Variants in RGS7 observed in about 807,000 individuals in gnomAD.
RGS7 encodes regulator of G-protein signaling 7.
RGS7 carries 27 observed loss-of-function variants against 81.1 expected under a neutral mutation model. That is an observed-to-expected ratio of 0.33 (90% confidence interval 0.25 to 0.46). The LOEUF (loss-of-function observed/expected upper bound fraction) is 0.46, where lower values mean the gene tolerates loss of function less well. RGS7 is among the 20% of genes least tolerant of loss of function. The pLI is 1.00. For synonymous variants in RGS7, 208 were observed against 207.7 expected, an observed-to-expected ratio of 1.00 and a Z score of -0.01; for missense variants, 396 against 607.4, an observed-to-expected ratio of 0.65 and a Z score of 3.66.
chr1:241,051,459 G>A (rs1369841666), intron 3 of RGS7, among the ~76,000 whole-genome samples: 1 of 134,726 alleles, frequency 7.4e-6, no homozygotes, highest in African/African-American at 2.9e-5. Flanking sequence ...GATTGCAGAA[G>A]CCAACCAATA....
intron 2 of RGS7, among the ~76,000 whole-genome samples, chr1:241,180,925 G>T (rs756758412): frequency 4.3e-4 from 66 of 152,224 alleles, no homozygotes; most frequent in Non-Finnish European, 8.7e-4. Context: ...AAACTCCAAT[G>T]CATGTTAGTA....
chr1:241,157,389 TC>T (rs1359732016), intron 2 of RGS7, among the ~76,000 whole-genome samples: 1 of 152,082 alleles, frequency 6.6e-6, no homozygotes, highest in Non-Finnish European at 1.5e-5. Context: ...AGGCAAGGGG[TC>T]CCCCTACATA....
intron 3 of RGS7, among the ~76,000 whole-genome samples, chr1:241,073,421 A>G (rs2493010): frequency 0.026 from 4,028 of 152,304 alleles, 176 homozygotes; most frequent in African/African-American, 0.092. Flanking sequence ...TGCTCAAAAA[A>G]AAATCAGTAT....
intron 17 of RGS7, among the ~76,000 whole-genome samples, 165 bp downstream of exon 17, chr1:240,801,290 G>A (rs1187570490): frequency 6.6e-6 from 1 of 152,044 alleles, no homozygotes; most frequent in African/African-American, 2.4e-5. Context: ...GGAAAGGGAT[G>A]GGACAGAAAG....
rs568424765 is a variant in RGS7, at chr1:240,844,300, C to T, written c.610-17128G>A. Among the ~76,000 whole-genome samples the T allele has an allele frequency of 2.6e-5, 4 of 152,194 alleles. No individual in the cohort carries two copies. In the South Asian group the frequency reaches 8.3e-4, roughly 32 times the overall value. ...CTCCCCTTCCCTCCCCGACACCTGC[C>T]CAGACACCCACAACTATGCAAGATA... is the stretch of plus-strand genomic sequence containing the variant. On this transcript the variant is annotated intron_variant, in intron 9 of 18. Coordinates refer to ENST00000440928, the MANE Select transcript of RGS7 (RefSeq NM_001364886.1).
intron 2 of RGS7, among the ~76,000 whole-genome samples, chr1:241,301,426 T>A (rs76432729): frequency 0.01 from 1,532 of 152,248 alleles, 15 homozygotes; most frequent in African/African-American, 0.016. Flanking sequence ...GTCCACAAAG[T>A]AAGGAGATTT....
intron 2 of RGS7, among the ~76,000 whole-genome samples, chr1:241,118,850 A>G (rs909875606): frequency 1.3e-5 from 2 of 152,120 alleles, no homozygotes; most frequent in African/African-American, 4.8e-5. Context: ...GGGTACACAT[A>G]GACATAAAGA....
chr1:241,225,108 G>A (rs2075243889), intron 2 of RGS7, among the ~76,000 whole-genome samples: 1 of 152,066 alleles, frequency 6.6e-6, no homozygotes, highest in Non-Finnish European at 1.5e-5. Flanking sequence ...CCAAATAGTG[G>A]ACATTGTATC....
At chr1:241,150,843 C>T (rs760069402) in intron 2 of RGS7, among the ~76,000 whole-genome samples, 1 of 151,340 alleles carries the variant, frequency 6.6e-6, no homozygotes, top group Non-Finnish European at 1.5e-5. Context: ...AGTCCGAAGG[C>T]CTGAGAATCA....
In RGS7 at chr1:241,163,632, C is replaced by T. The variant is rs546348193; in HGVS notation, c.79-64870G>A. The stretch of plus-strand genomic sequence containing the variant: ...AACAAGTGATCTTTGCTAGCCAGGG[C>T]TCCTCTTCTCTCCCTCCCATAATCA... On this transcript the variant is annotated intron_variant, in intron 2 of 18. Transcript: ENST00000440928. The surrounding 1 kb of genome is among the most constrained non-coding windows in gnomAD (Gnocchi z 4.6). Among the ~76,000 whole-genome samples the T allele has an allele frequency of 1.3e-3, 197 of 152,268 alleles. No individual in the cohort carries two copies. Among genetic ancestry groups the T allele is most frequent in the Non-Finnish European group, 2.0e-3 (137 of 68,022 alleles).
At chr1:241,239,125 C>G (rs1462523977) in intron 2 of RGS7, among the ~76,000 whole-genome samples, 2 of 151,980 alleles carry the variant, frequency 1.3e-5, no homozygotes, top group African/African-American at 2.4e-5. Context: ...TGTGCCACCA[C>G]GCCCGGCTAA....
intron 4 of RGS7, among the ~76,000 whole-genome samples, chr1:240,957,819 AAC>A (rs1680703743): frequency 6.6e-6 from 1 of 152,184 alleles, no homozygotes; most frequent in African/African-American, 2.4e-5. Context: ...TGTAAATCTA[AAC>A]CTATTCTAAA....
chr1:241,010,772 G>A (rs945726244), intron 3 of RGS7, among the ~76,000 whole-genome samples: 15 of 152,150 alleles, frequency 9.9e-5, no homozygotes, highest in African/African-American at 2.2e-4. Context: ...AATGGGTCGC[G>A]TCTGGGAATC....
chr1:240,921,093 T>C (rs993455910), intron 6 of RGS7, among the ~76,000 whole-genome samples: 3 of 152,126 alleles, frequency 2.0e-5, no homozygotes, highest in African/African-American at 7.2e-5. Flanking sequence ...GGAGAAGCCG[T>C]TGTCTTCAGA....
intron 3 of RGS7, among the ~76,000 whole-genome samples, chr1:241,043,107 A>G (rs1422434346): frequency 1.3e-5 from 2 of 152,212 alleles, no homozygotes; most frequent in African/African-American, 4.8e-5. Flanking sequence ...TCTCATTACT[A>G]GTCCACTCAT....
In RGS7 at chr1:240,800,681, G is replaced by A; in HGVS notation, c.1454C>T (p.Thr485Ile). The change falls in exon 18 of 19, where the codon ACA becomes ATA. Residue 485 changes from threonine to isoleucine, a missense_variant. By Grantham distance (89) the Thr-to-Ile change is moderately conservative. Coordinates refer to ENST00000440928, the MANE Select transcript of RGS7 (RefSeq NM_001364886.1). Reference sequence around the variant, plus strand: ...GTTAGTGCTGGCCCTCAGTGTTGGTGTACAGTTTTTATGGCATGGGAAAAT... The same window carrying A: ...GTTAGTGCTGGCCCTCAGTGTTGGTATACAGTTTTTATGGCATGGGAAAAT... ...IPIFPCHKNC[T>I]PTLRASTNLL 4 of 1,547,638 alleles carry A rather than the reference G, an allele frequency of 2.6e-6. No homozygotes were observed. Among genetic ancestry groups the A allele is most frequent in the Non-Finnish European group, 3.5e-6 (4 of 1,144,786 alleles).
At chr1:241,266,045 C>T (rs1334801467) in intron 2 of RGS7, among the ~76,000 whole-genome samples, 4 of 152,204 alleles carry the variant, frequency 2.6e-5, no homozygotes, top group South Asian at 2.1e-4. Flanking sequence ...CCACCTACCT[C>T]GGCCTCCCAA....
chr1:240,892,480 G>A (rs555956343), intron 6 of RGS7, among the ~76,000 whole-genome samples: 7 of 152,206 alleles, frequency 4.6e-5, no homozygotes, highest in Admixed American at 2.6e-4. Flanking sequence ...ATTCAGAAAT[G>A]GTCATCTAAA....
chr1:240,827,307 T>C, intron 9 of RGS7, 135 bp from the exon 10 acceptor site: 1 of 737,360 alleles, frequency 1.4e-6, no homozygotes, highest in Non-Finnish European at 2.5e-6. Flanking sequence ...GTTTTCTAGA[T>C]GGCCACAGCC....
Sources: gnomAD v4.1 joint callset for allele counts (sites outside exome capture counted in the v4.1 genomes callset) on GRCh38, gnomAD v4.1.1 for gene constraint, Gnocchi (gnomAD v3.1) non-coding constraint, MANE v1.5 for transcripts, NCBI Gene and HGNC (gene_info 2026-07-23, HGNC 2026-07-21) for gene names.